Variants in TEX46 observed in about 807,000 individuals in gnomAD.
The protein encoded by TEX46 is testis expressed 46.
A neutral mutation model predicts 5.3 loss-of-function variants in TEX46; 6 were observed. That is an observed-to-expected ratio of 1.13 (90% CI 0.62 to 2.23). TEX46 has a LOEUF of 2.23. Ranked by LOEUF, TEX46 falls within the 30% of genes most tolerant of loss-of-function variation. TEX46 has a pLI of 0.00. For synonymous variants in TEX46, 41 were observed against 54.6 expected, an observed-to-expected ratio of 0.75 and a Z score of 1.10; for missense variants, 131 against 150.9, an observed-to-expected ratio of 0.87 and a Z score of 0.69.
chr1:23,011,075 G>C lies in TEX46; in HGVS notation c.192C>G (p.Phe64Leu). ...CTAGGACCTTCATCTTCATTTCACT[G>C]AACAACAGCCGTTGGAGGATCTCGT... ...QQDEILQRLL[F>L]SEMKMKVLEN... Residue 64 changes from phenylalanine (F) to leucine (L), a missense_variant, in exon 3 of 3, where the codon TTC becomes TTG. By Grantham distance (22) the Phe-to-Leu change is conservative. Transcript: ENST00000566855. The C allele has an allele frequency of 2.0e-6, 3 of 1,535,966 alleles. No homozygotes were observed. Among genetic ancestry groups the C allele is most frequent in the Non-Finnish European group, 1.7e-6 (2 of 1,146,848 alleles).
chr1:23,011,684 C>G (rs1030912177), intron 2 of TEX46, among the ~76,000 whole-genome samples: 1 of 152,208 alleles, frequency 6.6e-6, no homozygotes, highest in African/African-American at 2.4e-5. Flanking sequence ...CTTGGCCTCC[C>G]AAGGTGCTGG....
chr1:23,014,294 C>T, intron 1 of TEX46: 1 of 266,688 alleles, frequency 3.7e-6, no homozygotes, highest in Non-Finnish European at 5.8e-6. Context: ...TCACAATAGC[C>T]AGGTGATGTA....
At chr1:23,013,150 G>A (rs2124290478) in intron 2 of TEX46, among the ~76,000 whole-genome samples, 1 of 152,148 alleles carries the variant, frequency 6.6e-6, no homozygotes, top group East Asian at 1.9e-4. Context: ...TTATAGCTGT[G>A]AGCCACTGCG....
chr1:23,015,265 G>A (rs1201795963), intron 1 of TEX46, among the ~76,000 whole-genome samples: 2 of 150,956 alleles, frequency 1.3e-5, no homozygotes, highest in Non-Finnish European at 3.0e-5. Flanking sequence ...GTGAAACCCC[G>A]TCTCTACCAA....
chr1:23,011,445 T>C (rs1641350590), intron 2 of TEX46, among the ~76,000 whole-genome samples: 1 of 147,522 alleles, frequency 6.8e-6, no homozygotes, highest in African/African-American at 2.5e-5. Context: ...CAGGCTGGAG[T>C]GCAATGGTGT....
At chr1:23,013,171 T>G (rs546585510) in intron 2 of TEX46, among the ~76,000 whole-genome samples, 1 of 145,924 alleles carries the variant, frequency 6.9e-6, no homozygotes, top group African/African-American at 2.6e-5. Flanking sequence ...CCAGGCTGTT[T>G]TGCTTTTTAT....
chr1:23,012,277 G>A (rs999389697), intron 2 of TEX46, among the ~76,000 whole-genome samples: 14 of 151,768 alleles, frequency 9.2e-5, no homozygotes, highest in Middle Eastern at 3.4e-3. Flanking sequence ...CAGGGAGGTC[G>A]AGGCTGCAGT....
intron 2 of TEX46, among the ~76,000 whole-genome samples, 191 bp downstream of exon 2, chr1:23,013,692 T>C (rs1641383062): frequency 6.6e-6 from 1 of 152,180 alleles, no homozygotes; most frequent in Admixed American, 6.5e-5. Flanking sequence ...GTGAGGCAAC[T>C]GAGGCCTCGT....
rs1237822786 is a variant in TEX46, at chr1:23,011,111, A to C, written c.166-10T>G. ...GTTGGAGGATCTCGTCCTGGAGGGC[A>C]AAGCAGGCATGCGTTCTATTGACTT... On this transcript the variant is annotated splice_polypyrimidine_tract_variant and intron_variant, in intron 2 of 2. Coordinates refer to ENST00000566855, the MANE Select transcript of TEX46 (RefSeq NM_001242521.2). 6.5e-7 allele frequency: 1 copy of C among 1,534,978 alleles called. No individual in the cohort carries two copies.
intron 1 of TEX46, among the ~76,000 whole-genome samples, chr1:23,015,436 CAAAAAAAAAA>C (rs61258225): frequency 2.0e-3 from 55 of 27,774 alleles, no homozygotes; most frequent in African/African-American, 4.8e-3. Flanking sequence ...GACTCCTTCT[CAAAAAAAAAA>C]AAAAAAAAAA....
chr1:23,013,866 C>A lies in TEX46; in HGVS notation c.165+17G>T. 2 of 1,534,900 alleles carry A rather than the reference C, an allele frequency of 1.3e-6. No homozygotes were observed. The highest frequency in any genetic ancestry group is 1.7e-6 in the Non-Finnish European group (2 of 1,146,302). ...CCCCTATCCCTGAGCTGAAGCCAAG[C>A]CCCATCTTGTGCTCACCTGCTGGGG... On this transcript the variant is annotated intron_variant, in intron 2 of 2. Transcript: ENST00000566855.
In TEX46 at chr1:23,014,038, G is replaced by T; in HGVS notation, c.10C>A (p.His4Asn). The change falls in exon 2 of 3, where the codon CAT becomes AAT. Residue 4 changes from histidine to asparagine, a missense_variant. Physicochemically the swap from His to Asn is moderately conservative, Grantham distance 68 (BLOSUM62 1). Transcript: ENST00000566855. ...GTGCCTGCGGAGGCAAGTATCCCAT[G>T]GAGACTCCTAAAGAGAAATATCAGT... MSL[H>N]GILASAGTIG... 2 of 1,535,948 alleles carry T rather than the reference G, an allele frequency of 1.3e-6. No homozygotes were observed. The highest frequency in any genetic ancestry group is 1.7e-6 in the Non-Finnish European group (2 of 1,146,830).
intron 2 of TEX46, among the ~76,000 whole-genome samples, chr1:23,012,334 C>T (rs1034706686): frequency 6.8e-6 from 1 of 146,422 alleles, no homozygotes; most frequent in Non-Finnish European, 1.5e-5. Context: ...CAGAGCGAGA[C>T]CCTGTCTCAA....
At chr1:23,012,190 A>C (rs1277546989) in intron 2 of TEX46, among the ~76,000 whole-genome samples, 3 of 151,878 alleles carry the variant, frequency 2.0e-5, no homozygotes, top group African/African-American at 7.3e-5. Context: ...TCTCCACAAA[A>C]ACTAGAAAAA....
intron 2 of TEX46, among the ~76,000 whole-genome samples, 177 bp downstream of exon 2, chr1:23,013,706 G>A (rs1376703063): frequency 6.6e-6 from 1 of 152,134 alleles, no homozygotes; most frequent in Non-Finnish European, 1.5e-5. Context: ...GCCTCGTGGA[G>A]GGAAGTGATT....
chr1:23,013,852 G>C, intron 2 of TEX46, 31 bp downstream of exon 2: 1 of 1,532,090 alleles, frequency 6.5e-7, no homozygotes, highest in Non-Finnish European at 8.7e-7. Context: ...CCCTATCCCT[G>C]AGCTGAAGCC....
At chr1:23,013,780 T>C (rs970069578) in intron 2 of TEX46, 103 bp downstream of exon 2, 1 of 1,068,884 alleles carries the variant, frequency 9.4e-7, no homozygotes, top group African/African-American at 1.6e-5. Flanking sequence ...GATTCCCCAG[T>C]CTTGCCCCAT....
At chr1:23,015,649 T>C (rs1641409831) in intron 1 of TEX46, 123 bp downstream of exon 1, 1 of 624,302 alleles carries the variant, frequency 1.6e-6, no homozygotes, top group South Asian at 1.9e-5. Context: ...ACACGCAATA[T>C]TACCAGCCTT....
At chr1:23,011,812 G>A (rs989179710) in intron 2 of TEX46, among the ~76,000 whole-genome samples, 9 of 152,214 alleles carry the variant, frequency 5.9e-5, no homozygotes, top group South Asian at 4.1e-4. Context: ...GAGATGGCCC[G>A]CTAATCTGCC....
Sources: allele counts gnomAD v4.1 joint callset (sites outside exome capture counted in the v4.1 genomes callset), GRCh38; gene constraint gnomAD v4.1.1; transcripts MANE v1.5; gene names NCBI Gene and HGNC (gene_info 2026-07-23, HGNC 2026-07-21).